The following PGM2L1 variants were observed in gnomAD, a reference collection of about 807,000 sequenced individuals.
PGM2L1 encodes the protein phosphoglucomutase 2 like 1.
PGM2L1 carries 35 observed loss-of-function variants against 73.4 expected under a neutral mutation model. The ratio of observed to expected loss-of-function variants is 0.48; its 90% CI spans 0.36 to 0.63. The LOEUF is 0.63. Among genes scored for constraint, PGM2L1 ranks in the 30% least tolerant of loss-of-function variants. The pLI is 0.00. For synonymous variants in PGM2L1, 225 were observed against 253.8 expected, an observed-to-expected ratio of 0.89 and a Z score of 1.08; for missense variants, 570 against 742.0, an observed-to-expected ratio of 0.77 and a Z score of 2.69.
At chr11:74,358,463 A>C (rs1862496899) in intron 5 of PGM2L1, among the ~76,000 whole-genome samples, 1 of 152,252 alleles carries the variant, frequency 6.6e-6, no homozygotes, top group Admixed American at 6.5e-5. Flanking sequence ...GCAAAGATTA[A>C]AAGCTTTGAT....
rs1243212492 is a variant in PGM2L1 at position 74,347,156 on chromosome 11, A to G, written c.931T>C (p.Ser311Pro). The G allele has an allele frequency of 6.3e-7, 1 of 1,575,066 alleles. No homozygotes were observed. The highest frequency in any genetic ancestry group is 8.6e-7 in the Non-Finnish European group (1 of 1,164,826). The change falls in exon 7 of 14, where the codon TCT (serine) becomes CCT (proline). Residue 311 changes from serine to proline, a missense_variant. Physicochemically the swap from Ser to Pro is moderately conservative, Grantham distance 74. Transcript: ENST00000298198. Reference protein sequence around the residue: ...VKCPNPEEGESVLELSLRLAE... With the variant: ...VKCPNPEEGEPVLELSLRLAE... ...AATATTTAAAAAAATACCAGCACAG[A>G]TTCTCCTTCTTCAGGATTTGGACAT...
chr11:74,346,947 C>T (rs370498191), intron 7 of PGM2L1, 118 bp from the exon 8 acceptor site: 8 of 1,010,306 alleles, frequency 7.9e-6, no homozygotes, highest in East Asian at 7.2e-5. Flanking sequence ...AATTCAGCTA[C>T]GTTTAAAACA....
At chr11:74,367,173 G>C (rs1445068912) in intron 5 of PGM2L1, among the ~76,000 whole-genome samples, 2 of 152,162 alleles carry the variant, frequency 1.3e-5, no homozygotes, top group African/African-American at 4.8e-5. Context: ...CAGACTGAAG[G>C]AGGACCACTC....
At position 74,371,779 on chromosome 11, in the gene PGM2L1, G is replaced by A; in HGVS notation, c.318C>T (p.Phe106=). The part of the protein sequence containing the change: ...YKYLERCFSD[F]KQRGFVVGYD... ...ACCCAACCACAAAGCCTCTCTGCTTGAAGTCTGAGAAACATCTCTCAAGGT... is the reference window on the plus strand; with the variant it reads ...ACCCAACCACAAAGCCTCTCTGCTTAAAGTCTGAGAAACATCTCTCAAGGT... Residue 106 remains phenylalanine (F), a synonymous_variant, in exon 3 of 14, where the codon TTC becomes TTT. Coordinates refer to ENST00000298198, the MANE Select transcript of PGM2L1 (RefSeq NM_173582.6). 6.2e-7 allele frequency: 1 copy of A among 1,613,918 alleles called. No individual in the cohort carries two copies. Among genetic ancestry groups the A allele is most frequent in the Non-Finnish European group, 8.5e-7 (1 of 1,179,848 alleles).
At chr11:74,346,261 C>G (rs1279181018) in intron 8 of PGM2L1, among the ~76,000 whole-genome samples, 1 of 64,040 alleles carries the variant, frequency 1.6e-5, no homozygotes, top group Non-Finnish European at 2.7e-5. Context: ...AAGAGCGAAA[C>G]TATGTCTCCA....
intron 5 of PGM2L1, among the ~76,000 whole-genome samples, chr11:74,363,632 G>A (rs1862603299): frequency 6.6e-6 from 1 of 152,074 alleles, no homozygotes; most frequent in South Asian, 2.1e-4. Context: ...TAAATTCCTG[G>A]ACACATACAC....
chr11:74,359,728 G>A (rs1862524298), intron 5 of PGM2L1, among the ~76,000 whole-genome samples: 1 of 151,950 alleles, frequency 6.6e-6, no homozygotes, highest in Admixed American at 6.6e-5. Flanking sequence ...AGATGGAGAA[G>A]TGACAAACAC....
chr11:74,352,933 T>A (rs942841482), intron 5 of PGM2L1, among the ~76,000 whole-genome samples: 2 of 152,156 alleles, frequency 1.3e-5, no homozygotes, highest in Non-Finnish European at 2.9e-5. Context: ...AAAAATGGCA[T>A]CCTTGAAGCA....
At chr11:74,382,108 G>A (rs72973917) in intron 1 of PGM2L1, among the ~76,000 whole-genome samples, 1,967 of 152,254 alleles carry the variant, frequency 0.013, 16 homozygotes, top group Non-Finnish European at 0.019. Flanking sequence ...AAATGAATAA[G>A]CCTAGTGCTG....
At chr11:74,341,734 G>C (rs948426873) in intron 12 of PGM2L1, among the ~76,000 whole-genome samples, 2 of 146,756 alleles carry the variant, frequency 1.4e-5, no homozygotes, top group Non-Finnish European at 3.0e-5. Context: ...AATTTTATCA[G>C]AGCCACAAAG....
chr11:74,378,123 G>A (rs1489634702), intron 1 of PGM2L1, among the ~76,000 whole-genome samples: 3 of 152,056 alleles, frequency 2.0e-5, no homozygotes, highest in Non-Finnish European at 4.4e-5. Flanking sequence ...CCAACATGGC[G>A]AAACCTTGTC....
chr11:74,348,361 C>A (rs1862300553), intron 6 of PGM2L1, among the ~76,000 whole-genome samples: 1 of 152,094 alleles, frequency 6.6e-6, no homozygotes, highest in Non-Finnish European at 1.5e-5. Context: ...TGACAATTTT[C>A]AAACATATGC....
rs1862022941 is a variant in PGM2L1 at position 74,332,014 on chromosome 11, ATACTT to A, written c.*4633_*4637del. On this transcript the variant is annotated 3_prime_UTR_variant, in exon 14 of 14. Transcript: ENST00000298198. The stretch of plus-strand genomic sequence containing the variant: ...GTCTAATAAATATATAGTATGGTGA[ATACTT>A]TAAGGTAACCAGTAGTCAACACTAA... 3 of 152,368 alleles carry A rather than the reference ATACTT, an allele frequency of 2.0e-5. No homozygotes were observed. The highest frequency in any genetic ancestry group is 4.4e-5 in the Non-Finnish European group (3 of 68,032). 9.4% of individuals were successfully genotyped at this position (152,368 alleles called of 1,614,324 possible). A position where few individuals can be genotyped will look rare whatever the true frequency, so the allele number is the denominator to read the frequency against.
At chr11:74,338,709 G>A (rs922421271) in intron 12 of PGM2L1, 108 bp from the exon 13 acceptor site, 28 of 1,308,908 alleles carry the variant, frequency 2.1e-5, no homozygotes, top group Middle Eastern at 4.1e-4. Flanking sequence ...ATCTAAAGTC[G>A]TCAAATTTAC....
intron 12 of PGM2L1, among the ~76,000 whole-genome samples, chr11:74,341,097 T>G (rs1862175423): frequency 1.3e-5 from 2 of 152,222 alleles, no homozygotes; most frequent in South Asian, 4.1e-4. Flanking sequence ...GCCCATTTTC[T>G]CTTTTTCTTT....
intron 6 of PGM2L1, among the ~76,000 whole-genome samples, chr11:74,351,036 G>A (rs534393627): frequency 2.0e-5 from 3 of 152,250 alleles, no homozygotes; most frequent in South Asian, 4.1e-4. Context: ...CTATAGATTT[G>A]CCTATTCTAC....
chr11:74,371,600 C>G lies in PGM2L1; in HGVS notation c.386+111G>C, dbSNP rs1198835794. Reference sequence around the variant, plus strand: ...TAAAGTAAATATTAGCATGTGATCACATTTCTATCTGACAGTCTACTGTTT... The same window carrying G: ...TAAAGTAAATATTAGCATGTGATCAGATTTCTATCTGACAGTCTACTGTTT... On this transcript the variant is annotated intron_variant, in intron 3 of 13. Transcript: ENST00000298198. The G allele has an allele frequency of 1.6e-5, 12 of 768,640 alleles. No individual in the cohort carries two copies. In the Admixed American group the frequency reaches 2.8e-4, roughly 18 times the overall value. The allele number at this position is 768,640 out of a possible 1,614,324, so 47.6% of individuals were successfully genotyped here.
At chr11:74,376,715 C>T (rs1862860151) in intron 1 of PGM2L1, among the ~76,000 whole-genome samples, 2 of 151,978 alleles carry the variant, frequency 1.3e-5, no homozygotes. Flanking sequence ...AGAGTAGGGC[C>T]TAAAAATTCC....
At chr11:74,371,077 T>C in intron 3 of PGM2L1, 91 bp from the exon 4 acceptor site, 1 of 922,668 alleles carries the variant, frequency 1.1e-6, no homozygotes, top group Non-Finnish European at 1.7e-6. Context: ...ATAATTAGTC[T>C]GAATAAATAG....
Sources: gnomAD v4.1 joint callset for allele counts (sites outside exome capture counted in the v4.1 genomes callset) on GRCh38, gnomAD v4.1.1 for gene constraint, MANE v1.5 for transcripts, NCBI Gene and HGNC (gene_info 2026-07-23, HGNC 2026-07-21) for gene names.